The following NRXN1 variants were observed in gnomAD, a reference collection of about 807,000 sequenced individuals.
The protein encoded by NRXN1 is neurexin 1.
NRXN1 carries 39 observed loss-of-function variants against 150.9 expected under a neutral mutation model. That is an observed-to-expected ratio of 0.26 (90% CI 0.20 to 0.34). The LOEUF (loss-of-function observed/expected upper bound fraction) is 0.34, where lower values mean the gene tolerates loss of function less well. NRXN1 is among the 10% of genes least tolerant of loss of function. The pLI, the probability that NRXN1 is intolerant of heterozygous loss-of-function variation, is 1.00. For missense variants in NRXN1, 1,815 were observed against 1,949.9 expected (o/e 0.93, Z 1.30); for synonymous variants, 924 against 757.0 (o/e 1.22, Z -3.62).
intron 5 of NRXN1, among the ~76,000 whole-genome samples, chr2:50,860,328 T>C (rs1232663885): frequency 6.6e-6 from 1 of 152,076 alleles, no homozygotes; most frequent in African/African-American, 2.4e-5. Context: ...TTAAGAATCA[T>C]ATACAAATAA....
At chr2:50,166,714 A>G (rs12470857) in intron 18 of NRXN1, among the ~76,000 whole-genome samples, 9,016 of 152,306 alleles carry the variant, frequency 0.059, 320 homozygotes, top group Middle Eastern at 0.11. Context: ...AAAGCCATTG[A>G]TTGAATGTTC....
intron 2 of NRXN1, among the ~76,000 whole-genome samples, chr2:50,941,909 A>G (rs1689510549): frequency 6.6e-6 from 1 of 152,184 alleles, no homozygotes; most frequent in South Asian, 2.1e-4. Context: ...AATAAGGAAA[A>G]TATCTCCAGG....
At chr2:50,836,317 T>C (rs552807662) in intron 5 of NRXN1, among the ~76,000 whole-genome samples, 45 of 152,266 alleles carry the variant, frequency 3.0e-4, no homozygotes, top group African/African-American at 8.4e-4. Context: ...TTACCATTTT[T>C]TTGTGGTAAA....
At chr2:50,461,616 A>G (rs1445485096) in intron 17 of NRXN1, among the ~76,000 whole-genome samples, 2 of 151,990 alleles carry the variant, frequency 1.3e-5, no homozygotes, top group Non-Finnish European at 2.9e-5. Context: ...AAAATTTACA[A>G]TGAATGTAAA....
At chr2:51,023,957 A>C (rs959676756) in intron 2 of NRXN1, among the ~76,000 whole-genome samples, 4 of 152,230 alleles carry the variant, frequency 2.6e-5, no homozygotes, top group Non-Finnish European at 5.9e-5. Flanking sequence ...ACATGCAAAA[A>C]AAAGTGAAAA....
chr2:50,068,502 G>C (rs544007117), intron 19 of NRXN1, among the ~76,000 whole-genome samples: 1 of 152,158 alleles, frequency 6.6e-6, no homozygotes, highest in East Asian at 1.9e-4. Flanking sequence ...TTAAGATAAT[G>C]AGCTCTAATT....
At chr2:50,873,234 T>C (rs1466257384) in intron 5 of NRXN1, among the ~76,000 whole-genome samples, 3 of 151,838 alleles carry the variant, frequency 2.0e-5, no homozygotes, top group African/African-American at 7.2e-5. Context: ...GCCGTAAGAA[T>C]GGTGACTGGC....
At chr2:50,198,450 C>T (rs1025404096) in intron 18 of NRXN1, among the ~76,000 whole-genome samples, 3 of 152,174 alleles carry the variant, frequency 2.0e-5, no homozygotes, top group African/African-American at 7.2e-5. Flanking sequence ...ACACTTCCTT[C>T]GTATTTTCCC....
chr2:50,534,634 C>T (rs1437895882), intron 10 of NRXN1, among the ~76,000 whole-genome samples: 1 of 152,138 alleles, frequency 6.6e-6, no homozygotes, highest in Non-Finnish European at 1.5e-5. Context: ...TGACCCATAT[C>T]TGTAAAGCAA....
chr2:50,215,061 G>A (rs1304424075), intron 18 of NRXN1, among the ~76,000 whole-genome samples: 1 of 151,968 alleles, frequency 6.6e-6, no homozygotes, highest in Non-Finnish European at 1.5e-5. Context: ...ATTCATTTTA[G>A]ATAATATGTT....
chr2:50,160,287 T>C (rs909263205), intron 18 of NRXN1, among the ~76,000 whole-genome samples: 1 of 152,074 alleles, frequency 6.6e-6, no homozygotes, highest in African/African-American at 2.4e-5. Flanking sequence ...ACGTCTGTAA[T>C]CCCAGCACTT....
intron 18 of NRXN1, among the ~76,000 whole-genome samples, chr2:50,180,462 C>T (rs1356628546): frequency 2.0e-5 from 3 of 152,134 alleles, no homozygotes; most frequent in Non-Finnish European, 4.4e-5. Flanking sequence ...GTGTTGGATA[C>T]TTAATCCCCA....
chr2:49,949,848 G>C lies in NRXN1; in HGVS notation c.4129-6057C>G, dbSNP rs74408877. ...TGCTGGCTGAAATATGATATCTTTG[G>C]TTAACTGATGGGCACTTGTTCTTGC... On this transcript the variant is annotated intron_variant, in intron 21 of 22. Transcript: ENST00000401669. Among the ~76,000 whole-genome samples the C allele has an allele frequency of 3.9e-3, 588 of 151,926 alleles. 4 individuals are homozygous for C. The highest frequency in any genetic ancestry group is 0.014 in the African/African-American group (561 of 41,500).
chr2:50,664,076 C>G (rs1409199150), intron 5 of NRXN1, among the ~76,000 whole-genome samples: 1 of 151,914 alleles, frequency 6.6e-6, no homozygotes, highest in Non-Finnish European at 1.5e-5. Flanking sequence ...ACAAACAGAT[C>G]CTCTAGGAGC....
At chr2:49,941,097 G>A (rs1671896853) in intron 22 of NRXN1, among the ~76,000 whole-genome samples, 1 of 151,968 alleles carries the variant, frequency 6.6e-6, no homozygotes, top group Non-Finnish European at 1.5e-5. Context: ...GACAGAACAA[G>A]TCCATGCAGG....
At position 50,528,608 on chromosome 2, in the gene NRXN1, T is replaced by G. The variant is rs1369118270; in HGVS notation, c.2374+17A>C. 5 of 1,440,390 alleles carry G rather than the reference T, an allele frequency of 3.5e-6. No individual in the cohort carries two copies. Among genetic ancestry groups the G allele is most frequent in the Non-Finnish European group, 4.8e-6 (5 of 1,034,240 alleles). 89.2% of individuals were successfully genotyped at this position (1,440,390 alleles called of 1,614,324 possible). ...AATGGAGGAATAACATTTTAAAAAT[T>G]TTGAATAGGCACTTACTGGAATTAC... On this transcript the variant is annotated intron_variant, in intron 12 of 22. Coordinates refer to ENST00000401669, the MANE Select transcript of NRXN1 (RefSeq NM_001330078.2).
chr2:50,388,735 A>G (rs1268148702), intron 17 of NRXN1, among the ~76,000 whole-genome samples: 1 of 152,108 alleles, frequency 6.6e-6, no homozygotes, highest in Non-Finnish European at 1.5e-5. Context: ...ATGATAGGGC[A>G]TTCTTTTCTT....
chr2:49,953,769 G>A (rs1312926114), intron 21 of NRXN1, among the ~76,000 whole-genome samples: 1 of 152,130 alleles, frequency 6.6e-6, no homozygotes, highest in Non-Finnish European at 1.5e-5. Flanking sequence ...AAGTGTAAAA[G>A]TGCCCACGAT....
chr2:50,430,708 T>G (rs2084900340), intron 17 of NRXN1, among the ~76,000 whole-genome samples: 1 of 152,234 alleles, frequency 6.6e-6, no homozygotes, highest in Non-Finnish European at 1.5e-5. Flanking sequence ...AATGTGTTTC[T>G]GGGTTTGTTT....
Sources: gnomAD v4.1 joint callset for allele counts (sites outside exome capture counted in the v4.1 genomes callset) on GRCh38, gnomAD v4.1.1 for gene constraint, MANE v1.5 for transcripts, NCBI Gene and HGNC (gene_info 2026-07-23, HGNC 2026-07-21) for gene names.